TTC39A: variants seen among roughly 807,000 people sequenced by gnomAD.
TTC39A encodes tetratricopeptide repeat protein 39A.
TTC39A carries 46 observed loss-of-function variants against 82.3 expected under a neutral mutation model. The ratio of observed to expected loss-of-function variants is 0.56; its 90% CI spans 0.44 to 0.71. TTC39A has a LOEUF of 0.71. Ranked by LOEUF, TTC39A falls within the 30% of genes least tolerant of loss-of-function variation. The probability of loss-of-function intolerance (pLI) is 0.00; values close to 1 mark genes in which losing one functional copy is unlikely to be tolerated. For missense variants in TTC39A, 543 were observed against 712.9 expected (o/e 0.76, Z 2.71); for synonymous variants, 254 against 275.2 (o/e 0.92, Z 0.76).
chr1:51,311,202 G>A, intron 5 of TTC39A, 52 bp downstream of exon 5: 3 of 1,524,830 alleles, frequency 2.0e-6, no homozygotes, highest in Non-Finnish European at 1.8e-6. Flanking sequence ...GGTTGGACGT[G>A]GAAACTGATC....
intron 8 of TTC39A, among the ~76,000 whole-genome samples, chr1:51,303,703 GTTCT>G (rs1644768788): frequency 6.6e-6 from 1 of 152,150 alleles, no homozygotes. Flanking sequence ...GAGCATTCTT[GTTCT>G]TTCTAAAACA....
chr1:51,289,410 C>A (rs941096198), intron 16 of TTC39A, among the ~76,000 whole-genome samples: 1 of 152,168 alleles, frequency 6.6e-6, no homozygotes, highest in African/African-American at 2.4e-5. Flanking sequence ...TCTTTTCTCT[C>A]TATGACTTCA....
At position 51,340,886 on chromosome 1, in the gene TTC39A, C is replaced by T. The variant is rs148146453; in HGVS notation, c.53+4105G>A. Among the ~76,000 whole-genome samples the T allele has an allele frequency of 9.7e-4, 148 of 152,252 alleles. 1 individual carries two copies. Among genetic ancestry groups the T allele is most frequent in the African/African-American group, 3.5e-3 (145 of 41,554 alleles). ...CTCAGAATCAGGCTTCAAAACCAGC[C>T]TAAGGCCGGGTGCGGTAGCTCTTGC... On this transcript the variant is annotated intron_variant, in intron 1 of 5. Coordinates refer to the TTC39A transcript ENST00000401051.
chr1:51,315,135 A>T (rs890590066), intron 2 of TTC39A, among the ~76,000 whole-genome samples: 1 of 152,028 alleles, frequency 6.6e-6, no homozygotes, highest in African/African-American at 2.4e-5. Flanking sequence ...ACCTGTGGAA[A>T]CTTGTCTGGT....
chr1:51,301,719 G>A lies in TTC39A; in HGVS notation c.906C>T (p.Phe302=), dbSNP rs771183906. Residue 302 remains phenylalanine, a synonymous_variant, in exon 12 of 18, where the codon TTC becomes TTT. Coordinates refer to ENST00000680483, the MANE Select transcript of TTC39A (RefSeq NM_001297663.2). ...KGNIDAAIRR[F]EECCEAQQHW... ...GCTGCTGGGCCTCACAGCACTCCTCGAAACGCCGGATGGCCTGCAGGCACC... is the reference window on the plus strand; with the variant it reads ...GCTGCTGGGCCTCACAGCACTCCTCAAAACGCCGGATGGCCTGCAGGCACC... The A allele has an allele frequency of 1.2e-5, 19 of 1,606,666 alleles. No homozygotes were observed. In the African/African-American group the frequency reaches 1.2e-4, roughly 10 times the overall value.
At chr1:51,322,180 C>G (rs1294222538) in intron 1 of TTC39A, 3 of 1,527,616 alleles carry the variant, frequency 2.0e-6, no homozygotes, top group South Asian at 2.5e-5. Flanking sequence ...GCTGCCCCCC[C>G]AGGGGGTGCA....
intron 13 of TTC39A, chr1:51,295,842 T>C (rs1644395042): frequency 5.1e-6 from 3 of 588,878 alleles, no homozygotes; most frequent in East Asian, 5.6e-5. Context: ...AGCAAAACCA[T>C]TTCTGTGAAA....
rs867468595 is a variant in TTC39A, at chr1:51,302,544, C to T, written c.793G>A (p.Glu265Lys). The change falls in exon 10 of 18, where the codon GAG (glutamate) becomes AAG (lysine). Residue 265 changes from glutamate (E) to lysine (K), a missense_variant. By Grantham distance (56) the Glu-to-Lys change is moderately conservative. Coordinates refer to ENST00000680483, the MANE Select transcript of TTC39A (RefSeq NM_001297663.2). ...TTCAGGTAGGGCTTCAAGAGCTTCTCGGCCTCCTCGATGTTGACGTTCCCA... is the reference window on the plus strand; with the variant it reads ...TTCAGGTAGGGCTTCAAGAGCTTCTTGGCCTCCTCGATGTTGACGTTCCCA... ...GTGNVNIEEAEKLLKPYLNRY... is the reference protein window; with the variant it reads ...GTGNVNIEEAKKLLKPYLNRY... The T allele has an allele frequency of 3.7e-6, 6 of 1,607,558 alleles. No homozygotes were observed. In the Middle Eastern group the frequency reaches 6.6e-4, roughly 177 times the overall value.
intron 2 of TTC39A, 138 bp from the exon 3 acceptor site, chr1:51,313,081 G>C: frequency 8.3e-7 from 1 of 1,210,312 alleles, no homozygotes; most frequent in Non-Finnish European, 1.2e-6. Flanking sequence ...GAGGGCCTTG[G>C]CCAGGTCTAA....
chr1:51,321,978 G>A lies in TTC39A; in HGVS notation c.42-153C>T, dbSNP rs1461032079. 8 of 1,351,712 alleles carry A rather than the reference G, an allele frequency of 5.9e-6. No homozygotes were observed. Among genetic ancestry groups the A allele is most frequent in the Admixed American group, 2.2e-5 (1 of 45,984 alleles). 83.7% of individuals were successfully genotyped at this position (1,351,712 alleles called of 1,614,324 possible). A position where few individuals can be genotyped will look rare whatever the true frequency, so the allele number is the denominator to read the frequency against. On this transcript the variant is annotated intron_variant, in intron 1 of 17. Transcript: ENST00000680483. The surrounding 1 kb of genome is among the most constrained non-coding windows in gnomAD (Gnocchi z 4.6). ...CCAGGCTGCCACTCTGTACTGGGAC[G>A]CAGGGACAATTTGGACCCACCTCTT...
chr1:51,326,744 C>G (rs1172547260), intron 1 of TTC39A, among the ~76,000 whole-genome samples: 3 of 152,216 alleles, frequency 2.0e-5, no homozygotes, highest in Admixed American at 6.5e-5. Context: ...TTCCCCTCAC[C>G]TGGCTGAGAC....
rs150974870 is a variant in TTC39A, at chr1:51,301,394, G to A, written c.1053+178C>T. The stretch of plus-strand genomic sequence containing the variant: ...AGAAATCTCTTTGTGACACATTGTG[G>A]TTCAGAAGTTTCTCTTGTGGTCTTT... On this transcript the variant is annotated intron_variant, in intron 12 of 17. Transcript: ENST00000680483. 7.7e-5 allele frequency: 56 copies of A among 724,698 alleles called. 1 individual carries two copies. Among genetic ancestry groups the A allele is most frequent in the Admixed American group, 2.7e-4 (9 of 33,182 alleles). The allele number at this position is 724,698 out of a possible 1,614,324, so 44.9% of individuals were successfully genotyped here.
intron 2 of TTC39A, among the ~76,000 whole-genome samples, chr1:51,319,442 A>T (rs1249568276): frequency 6.6e-6 from 1 of 152,190 alleles, no homozygotes; most frequent in Non-Finnish European, 1.5e-5. Context: ...GTACAAGAGC[A>T]CTTCCCAGAA....
chr1:51,343,606 T>A (rs1646062825), intron 1 of TTC39A, among the ~76,000 whole-genome samples: 1 of 152,214 alleles, frequency 6.6e-6, no homozygotes, highest in Non-Finnish European at 1.5e-5. Context: ...TTTATGTCTC[T>A]CTTACTAGAA....
intron 2 of TTC39A, among the ~76,000 whole-genome samples, chr1:51,313,149 C>A (rs1645148866): frequency 6.6e-6 from 1 of 152,222 alleles, no homozygotes; most frequent in African/African-American, 2.4e-5. Flanking sequence ...CTTCTTCCTG[C>A]TGAGTGGCCC....
At chr1:51,309,020 G>A (rs1243886760) in intron 6 of TTC39A, among the ~76,000 whole-genome samples, 4 of 152,170 alleles carry the variant, frequency 2.6e-5, no homozygotes, top group African/African-American at 4.8e-5. Context: ...TCCCCAGCAG[G>A]GGCCAGGCAC....
At chr1:51,304,630 G>A (rs1472316501) in intron 8 of TTC39A, among the ~76,000 whole-genome samples, 3 of 152,234 alleles carry the variant, frequency 2.0e-5, no homozygotes, top group Non-Finnish European at 4.4e-5. Context: ...GGGTGCTTGA[G>A]TTCTCTGGTT....
At chr1:51,301,470 C>T in intron 12 of TTC39A, 102 bp downstream of exon 12, 1 of 1,410,336 alleles carries the variant, frequency 7.1e-7, no homozygotes, top group Non-Finnish European at 9.6e-7. Flanking sequence ...TGTTTAGATT[C>T]CAGCTGAGAC....
At chr1:51,301,837 C>CAT in intron 11 of TTC39A, 104 bp from the exon 12 acceptor site, 3 of 1,487,548 alleles carry the variant, frequency 2.0e-6, no homozygotes, top group Non-Finnish European at 2.7e-6. Context: ...TCCTCCAGGG[C>CAT]ATAGTGGTCC....
Sources: allele counts gnomAD v4.1 joint callset (sites outside exome capture counted in the v4.1 genomes callset), GRCh38; gene constraint gnomAD v4.1.1; non-coding constraint Gnocchi (gnomAD v3.1); transcripts MANE v1.5; gene names NCBI Gene and HGNC (gene_info 2026-07-23, HGNC 2026-07-21).